The following PCMT1 variants were observed in gnomAD, a reference collection of about 807,000 sequenced individuals.
PCMT1 encodes the protein protein-L-isoaspartate(D-aspartate) O-methyltransferase.
In PCMT1, 9 loss-of-function variants were observed where a neutral mutation model predicts 29.2. The ratio of observed to expected loss-of-function variants is 0.31; its 90% CI spans 0.19 to 0.54. The LOEUF is 0.54. PCMT1 is among the 20% of genes least tolerant of loss of function. PCMT1 has a pLI of 0.95. For missense variants in PCMT1, 184 were observed against 282.2 expected (o/e 0.65, Z 2.49); for synonymous variants, 98 against 97.5 (o/e 1.00, Z -0.03).
chr6:149,752,426 T>C (rs1786359515), intron 1 of PCMT1, among the ~76,000 whole-genome samples: 1 of 152,038 alleles, frequency 6.6e-6, no homozygotes, highest in African/African-American at 2.4e-5. Context: ...CTCAAACTCT[T>C]GACCTAAGGT....
chr6:149,761,359 A>G (rs1234564829), intron 1 of PCMT1, among the ~76,000 whole-genome samples: 1 of 152,206 alleles, frequency 6.6e-6, no homozygotes, highest in African/African-American at 2.4e-5. Flanking sequence ...ATATATGTAC[A>G]TATTTAAAAG....
chr6:149,774,080 C>T (rs1787447905), intron 3 of PCMT1, among the ~76,000 whole-genome samples: 1 of 151,626 alleles, frequency 6.6e-6, no homozygotes. Flanking sequence ...AGCCTTGACT[C>T]CCGGGCTCAT....
Position 149,756,473 on chromosome 6 carries a change from C to T in PCMT1, c.55+6517C>T, listed in dbSNP as rs978207436. 1.3e-4 allele frequency among the ~76,000 whole-genome samples: 19 copies of T among 148,332 alleles called. No individual in the cohort carries two copies. The East Asian group carries it at 2.3e-3, about 18-fold the overall frequency. On this transcript the variant is annotated intron_variant, in intron 1 of 7. Coordinates refer to ENST00000464889, the MANE Select transcript of PCMT1 (RefSeq NM_001360452.2). ...AAGCGACTCCTCCATCTCAGCCTCC[C>T]GAGTAACTGGGACTACAGATGCACA... is the stretch of plus-strand genomic sequence containing the variant.
intron 1 of PCMT1, among the ~76,000 whole-genome samples, chr6:149,767,654 G>A (rs929608938): frequency 5.9e-5 from 9 of 151,804 alleles, no homozygotes; most frequent in Admixed American, 2.6e-4. Context: ...GGGTCTCTTC[G>A]TGTTGCCCAG....
chr6:149,801,745 G>T (rs537959386), intron 6 of PCMT1, among the ~76,000 whole-genome samples: 2 of 152,214 alleles, frequency 1.3e-5, no homozygotes, highest in African/African-American at 4.8e-5. Context: ...ACCGTGTCTG[G>T]CCTTAATTTG....
At chr6:149,768,281 G>A (rs766798873) in intron 1 of PCMT1, among the ~76,000 whole-genome samples, 14 of 150,884 alleles carry the variant, frequency 9.3e-5, no homozygotes, top group African/African-American at 2.4e-4. Context: ...TTAAAGAAAC[G>A]GGGTCTCCCT....
chr6:149,771,872 T>C, intron 2 of PCMT1: 1 of 406,206 alleles, frequency 2.5e-6, no homozygotes, highest in Admixed American at 3.1e-5. Context: ...CTGAGTTTTC[T>C]TTAGGGGCCT....
intron 1 of PCMT1, among the ~76,000 whole-genome samples, chr6:149,769,148 G>A (rs772021995): frequency 2.0e-5 from 3 of 151,700 alleles, no homozygotes; most frequent in Non-Finnish European, 4.4e-5. Context: ...AATGGCATTG[G>A]TTTGATTGGT....
intron 1 of PCMT1, among the ~76,000 whole-genome samples, chr6:149,762,344 A>G (rs1335479580): frequency 6.6e-6 from 1 of 151,582 alleles, no homozygotes; most frequent in African/African-American, 2.4e-5. Context: ...TAGGGCGGCA[A>G]GCAGATCGGG....
chr6:149,755,141 C>T (rs1198193209), intron 1 of PCMT1, among the ~76,000 whole-genome samples: 3 of 152,082 alleles, frequency 2.0e-5, no homozygotes, highest in Admixed American at 6.6e-5. Context: ...TGCGGTGGCT[C>T]ACACCTGTAA....
At chr6:149,779,953 C>G (rs907795439) in intron 3 of PCMT1, among the ~76,000 whole-genome samples, 4 of 152,068 alleles carry the variant, frequency 2.6e-5, no homozygotes, top group African/African-American at 9.7e-5. Context: ...GAAGTTTGGT[C>G]TGGGTGTCCA....
chr6:149,758,030 C>T (rs950581125), intron 1 of PCMT1, among the ~76,000 whole-genome samples: 4 of 151,760 alleles, frequency 2.6e-5, no homozygotes, highest in Admixed American at 6.6e-5. Context: ...CTTACAGGCA[C>T]GTGCCACCAT....
intron 3 of PCMT1, 116 bp from the exon 4 acceptor site, chr6:149,789,838 T>C: frequency 3.7e-6 from 2 of 539,690 alleles, no homozygotes; most frequent in Non-Finnish European, 6.4e-6. Flanking sequence ...CCAAGATAAC[T>C]TGGTTATCTT....
intron 5 of PCMT1, 67 bp downstream of exon 5, chr6:149,793,736 T>C: frequency 7.7e-7 from 1 of 1,301,868 alleles, no homozygotes; most frequent in Non-Finnish European, 1.0e-6. Context: ...CAATGCAAGC[T>C]AAATAATACT....
chr6:149,790,225 C>A (rs1442819121), intron 4 of PCMT1, among the ~76,000 whole-genome samples, 167 bp downstream of exon 4: 1 of 152,204 alleles, frequency 6.6e-6, no homozygotes, highest in East Asian at 1.9e-4. Context: ...AGTGACAGAA[C>A]ATGCAACCCA....
At position 149,802,357 on chromosome 6, in the gene PCMT1, A is replaced by G. The variant is rs1775863582; in HGVS notation, c.662A>G (p.Lys221Arg). The change falls in exon 7 of 8, where the codon AAG becomes AGG. Residue 221 changes from lysine (K) to arginine (R), a missense_variant. Transcript: ENST00000464889. ...VIYVPLTDKE[K>R]QWSRWK ...TACGTGCCTTTAACAGATAAAGAAA[A>G]GCAGTGGTCCAGGTGGAAGTGATTT... The G allele has an allele frequency of 6.2e-7, 1 of 1,611,418 alleles. No homozygotes were observed.
At chr6:149,774,359 C>A (rs1239311058) in intron 3 of PCMT1, among the ~76,000 whole-genome samples, 5 of 151,552 alleles carry the variant, frequency 3.3e-5, no homozygotes, top group Admixed American at 6.6e-5. Context: ...CCTGCCTCAG[C>A]CTCCTGAGTA....
Position 149,758,208 on chromosome 6 carries a change from C to CTTTCTTTTTTTTTTTTTTTTTTT in PCMT1, c.55+8255_55+8256insCTTTTTTTTTTTTTTTTTTTTTT. Among the ~76,000 whole-genome samples, 271 of 73,832 alleles carry CTTTCTTTTTTTTTTTTTTTTTTT rather than the reference C, an allele frequency of 3.7e-3. 10 individuals carry two copies. Among genetic ancestry groups the CTTTCTTTTTTTTTTTTTTTTTTT allele is most frequent in the Non-Finnish European group, 4.6e-3 (186 of 40,352 alleles). The allele number at this position is 73,832 out of a possible 152,430, so 48.4% of individuals were successfully genotyped here. A position where few individuals can be genotyped will look rare whatever the true frequency, so the allele number is the denominator to read the frequency against. Reference sequence around the variant, plus strand: ...CAATTTTTTTTTTCTTTCTTTCTTTCTTTTTTTTTTTTTTTTTTCTGAGAC... The same window carrying CTTTCTTTTTTTTTTTTTTTTTTT: ...CAATTTTTTTTTTCTTTCTTTCTTTCTTTCTTTTTTTTTTTTTTTTTTTTTTTTTTTTTTTTTTTTTCTGAGAC... On this transcript the variant is annotated intron_variant, in intron 1 of 7. Transcript: ENST00000464889.
At chr6:149,804,902 A>G (rs1397966475) in intron 7 of PCMT1, among the ~76,000 whole-genome samples, 4 of 152,142 alleles carry the variant, frequency 2.6e-5, no homozygotes, top group Non-Finnish European at 5.9e-5. Flanking sequence ...AGGCCCCCAC[A>G]AAACCTGAAT....
Sources: gnomAD v4.1 joint callset for allele counts (sites outside exome capture counted in the v4.1 genomes callset) on GRCh38, gnomAD v4.1.1 for gene constraint, MANE v1.5 for transcripts, NCBI Gene and HGNC (gene_info 2026-07-23, HGNC 2026-07-21) for gene names.